Variants in DHRSX observed in about 807,000 individuals in gnomAD.
The protein encoded by DHRSX is dehydrogenase/reductase X-linked, also known as polyprenol dehydrogenase.
In DHRSX, 31 loss-of-function variants were observed where a neutral mutation model predicts 34.0. The observed-to-expected ratio is 0.91, with a 90% confidence interval of 0.69 to 1.23. The LOEUF (loss-of-function observed/expected upper bound fraction) is 1.23, where lower values mean the gene tolerates loss of function less well. DHRSX is among the 50% of genes most tolerant of loss of function. The pLI, the probability that DHRSX is intolerant of heterozygous loss-of-function variation, is 0.00. For synonymous variants in DHRSX, 201 were observed against 183.8 expected, an observed-to-expected ratio of 1.09 and a Z score of -0.76; for missense variants, 414 against 428.1, an observed-to-expected ratio of 0.97 and a Z score of 0.29.
At position 2,307,592 on chromosome X, in the gene DHRSX, T is replaced by C. The variant is rs764143252; in HGVS notation, c.287-15989A>G. Among the ~76,000 whole-genome samples the C allele has an allele frequency of 3.5e-3, 535 of 151,798 alleles. 4 individuals are homozygous for C. Among genetic ancestry groups the C allele is most frequent in the African/African-American group, 0.012 (500 of 41,458 alleles). ...CATCCTGGCTAACATGGTGAAACCC[T>C]GTCTCTACTAAAACTACAAAAAATT... is the stretch of plus-strand genomic sequence containing the variant. On this transcript the variant is annotated intron_variant, in intron 3 of 6. Coordinates refer to ENST00000334651, the MANE Select transcript of DHRSX (RefSeq NM_145177.3).
rs142078641 is a variant in DHRSX at position 2,320,716 on chromosome X, T to C, written c.287-29113A>G. On this transcript the variant is annotated intron_variant, in intron 3 of 6. Transcript: ENST00000334651. ...CTCTGACTTTTGACGTTTTCAAGTG[T>C]ACAGTTGAAAGTCAACAACATGGGT... Among the ~76,000 whole-genome samples the C allele has an allele frequency of 5.1e-3, 771 of 151,130 alleles. 6 individuals are homozygous for C. The highest frequency in any genetic ancestry group is 0.016 in the African/African-American group (663 of 41,156).
At chrX:2,324,099 A>C (rs973486201) in intron 3 of DHRSX, among the ~76,000 whole-genome samples, 1 of 151,450 alleles carries the variant, frequency 6.6e-6, no homozygotes, top group Non-Finnish European at 1.5e-5. Flanking sequence ...TTTTACGATG[A>C]CTCTGCTTTG....
At chrX:2,256,626 C>T (rs1256182546) in intron 5 of DHRSX, among the ~76,000 whole-genome samples, 1 of 152,116 alleles carries the variant, frequency 6.6e-6, no homozygotes, top group Non-Finnish European at 1.5e-5. Context: ...GAGACATGTT[C>T]TCTCATGTGT....
At chrX:2,324,285 TG>T (rs1279727717) in intron 3 of DHRSX, among the ~76,000 whole-genome samples, 1 of 152,110 alleles carries the variant, frequency 6.6e-6, no homozygotes, top group Non-Finnish European at 1.5e-5. Context: ...GAGACGGCGC[TG>T]CATGAAGCCT....
At chrX:2,427,688 C>T (rs991819373) in intron 1 of DHRSX, among the ~76,000 whole-genome samples, 1 of 152,122 alleles carries the variant, frequency 6.6e-6, no homozygotes, top group African/African-American at 2.4e-5. Flanking sequence ...AGGGAATTTC[C>T]ATGAATTCCC....
intron 6 of DHRSX, among the ~76,000 whole-genome samples, chrX:2,226,085 G>C (rs991546351): frequency 2.0e-5 from 3 of 152,248 alleles, no homozygotes; most frequent in African/African-American, 7.2e-5. Flanking sequence ...GGGAAAATCA[G>C]TGTCTGTTGT....
intron 1 of DHRSX, among the ~76,000 whole-genome samples, chrX:2,464,909 G>A (rs183586976): frequency 4.0e-5 from 6 of 150,978 alleles, no homozygotes; most frequent in Admixed American, 6.6e-5. Context: ...GCACAATGAA[G>A]ATGTTCCCTA....
Position 2,425,237 on chromosome X carries a change from T to C in DHRSX, c.177A>G (p.Thr59=). The C allele has an allele frequency of 6.2e-7, 1 of 1,613,794 alleles. No homozygotes were observed. Among genetic ancestry groups the C allele is most frequent in the Non-Finnish European group, 8.5e-7 (1 of 1,179,850 alleles). Residue 59 remains threonine, a synonymous_variant, in exon 2 of 7, where the codon ACA becomes ACG. Coordinates refer to ENST00000334651, the MANE Select transcript of DHRSX (RefSeq NM_145177.3). ...TGGTDGIGYS[T]AKHLARLGMH... ...TGCCAAGTCTCGCCAGATGCTTCGCTGTAGAATAGCCAATGCCATCTGTCC... is the reference window on the plus strand; with the variant it reads ...TGCCAAGTCTCGCCAGATGCTTCGCCGTAGAATAGCCAATGCCATCTGTCC...
chrX:2,314,328 G>C (rs866927881), intron 3 of DHRSX, among the ~76,000 whole-genome samples: 1 of 24,874 alleles, frequency 4.0e-5, no homozygotes, highest in Non-Finnish European at 9.4e-5. Context: ...GGGAGGGAAG[G>C]AGGGAGGGAG....
At chrX:2,326,669 C>A (rs1177152273) in intron 3 of DHRSX, among the ~76,000 whole-genome samples, 1 of 152,070 alleles carries the variant, frequency 6.6e-6, no homozygotes, top group African/African-American at 2.4e-5. Flanking sequence ...GGGAAAGTAA[C>A]CACTTTGCAA....
chrX:2,310,368 A>G (rs1224537555), intron 3 of DHRSX, among the ~76,000 whole-genome samples: 2 of 152,112 alleles, frequency 1.3e-5, no homozygotes, highest in African/African-American at 4.8e-5. Flanking sequence ...ATTTCTATAT[A>G]TTTATCAATT....
At chrX:2,418,247 G>A (rs1305690724) in intron 2 of DHRSX, among the ~76,000 whole-genome samples, 2 of 151,602 alleles carry the variant, frequency 1.3e-5, no homozygotes, top group Non-Finnish European at 2.9e-5. Flanking sequence ...TGATCTAATC[G>A]AACAAGACTT....
At chrX:2,499,110 C>A (rs571084937) in intron 1 of DHRSX, among the ~76,000 whole-genome samples, 105 of 152,190 alleles carry the variant, frequency 6.9e-4, no homozygotes, top group African/African-American at 2.5e-3. Context: ...CAAAGGGTGG[C>A]GCTGGGACCC....
chrX:2,342,373 G>A (rs918860885), intron 3 of DHRSX, among the ~76,000 whole-genome samples: 7 of 151,872 alleles, frequency 4.6e-5, no homozygotes, highest in African/African-American at 1.2e-4. Context: ...CACATGTATC[G>A]GGCCATACTC....
intron 4 of DHRSX, among the ~76,000 whole-genome samples, chrX:2,282,581 A>AGAGAGAAGAAAGAGGG (rs1569483437): frequency 1.4e-4 from 14 of 100,040 alleles, no homozygotes; most frequent in Non-Finnish European, 3.0e-4. Context: ...ACAGAAAGGG[A>AGAGAGAAGAAAGAGGG]GAGAGAGAAG....
intron 1 of DHRSX, among the ~76,000 whole-genome samples, chrX:2,460,224 C>G (rs1280856037): frequency 6.6e-6 from 1 of 152,096 alleles, no homozygotes; most frequent in African/African-American, 2.4e-5. Context: ...AGTTATTACT[C>G]GGAGGGCCGG....
intron 1 of DHRSX, among the ~76,000 whole-genome samples, chrX:2,426,237 A>G (rs2043845007): frequency 1.3e-5 from 2 of 152,176 alleles, no homozygotes; most frequent in African/African-American, 4.8e-5. Context: ...AGCTGCTGGT[A>G]TCACACGTGC....
rs1326208837 is a variant in DHRSX at position 2,474,002 on chromosome X, G to A, written c.109+26815C>T. Among the ~76,000 whole-genome samples, 9 of 151,540 alleles carry A rather than the reference G, an allele frequency of 5.9e-5. No homozygotes were observed. In the East Asian group the frequency reaches 1.5e-3, roughly 26 times the overall value. On this transcript the variant is annotated intron_variant, in intron 1 of 6. Transcript: ENST00000334651. ...GTGGCTGGAGGATGTCTGGGATGGC[G>A]AGGTGCAGAGAGGAGCAGGCTGGCT...
At chrX:2,379,531 G>T (rs1474089552) in intron 3 of DHRSX, among the ~76,000 whole-genome samples, 1 of 149,942 alleles carries the variant, frequency 6.7e-6, no homozygotes, top group Non-Finnish European at 1.5e-5. Context: ...CGTAAAAGAC[G>T]TGTCCACTCA....
Sources: allele counts gnomAD v4.1 joint callset (sites outside exome capture counted in the v4.1 genomes callset), GRCh38; gene constraint gnomAD v4.1.1; transcripts MANE v1.5; gene names NCBI Gene and HGNC (gene_info 2026-07-23, HGNC 2026-07-21).